The following ACTR3C variants were observed in gnomAD, a reference collection of about 807,000 sequenced individuals.
ACTR3C encodes actin related protein 3C.
Under a neutral mutation model 26.3 loss-of-function variants are expected in ACTR3C, and 18 were observed. The ratio of observed to expected loss-of-function variants is 0.68; its 90% CI spans 0.47 to 1.01. ACTR3C has a LOEUF of 1.01. Ranked by LOEUF, ACTR3C falls within the 50% of genes least tolerant of loss-of-function variation. The pLI is 0.00. For synonymous variants in ACTR3C, 55 were observed against 94.5 expected (o/e 0.58, Z 2.42); for missense variants, 184 against 250.7 (o/e 0.73, Z 1.80).
At chr7:150,072,921 C>T in the ACTR3C span, among the ~76,000 whole-genome samples, 1 of 151,980 alleles carries the variant, frequency 6.6e-6, no homozygotes, top group Non-Finnish European at 1.5e-5. Context: ...CCCAGATGAG[C>T]GAGAACAAGC....
At chr7:150,037,940 C>T in the ACTR3C span, among the ~76,000 whole-genome samples, 3,914 of 132,178 alleles carry the variant, frequency 0.03, 204 homozygotes, top group South Asian at 0.053. Context: ...TCCCCCCCTG[C>T]GATGGCGGTG....
chr7:150,263,953 G>A (rs541331397), intron 6 of ACTR3C, among the ~76,000 whole-genome samples: 1 of 152,226 alleles, frequency 6.6e-6, no homozygotes, highest in Admixed American at 6.5e-5. Flanking sequence ...GCAGGTGGAA[G>A]CTATGACTAT....
At chr7:150,046,352 C>CCA in the ACTR3C span, among the ~76,000 whole-genome samples, 1 of 65,946 alleles carries the variant, frequency 1.5e-5, no homozygotes, top group East Asian at 6.1e-4. Flanking sequence ...TCACCGCCCC[C>CCA]CCCCCCCCGA....
chr7:150,035,580 A>T, the ACTR3C span, among the ~76,000 whole-genome samples: 2,026 of 79,782 alleles, frequency 0.025, 102 homozygotes, highest in East Asian at 0.032. Flanking sequence ...GGGAAGAGGG[A>T]CTGGCTCTCA....
the ACTR3C span, among the ~76,000 whole-genome samples, chr7:150,051,376 CCACA>C: frequency 0.14 from 17,609 of 127,678 alleles, 69 homozygotes; most frequent in African/African-American, 0.21. Flanking sequence ...CTCCCCTTAT[CCACA>C]CACACACACA....
intron 1 of ACTR3C, among the ~76,000 whole-genome samples, chr7:150,297,781 G>A: frequency 6.6e-6 from 1 of 151,440 alleles, no homozygotes; most frequent in East Asian, 1.9e-4. Context: ...GAACGTGGGA[G>A]GCGGAGGTTG....
the ACTR3C span, among the ~76,000 whole-genome samples, chr7:150,113,326 T>A: frequency 6.6e-6 from 1 of 152,080 alleles, no homozygotes; most frequent in Non-Finnish European, 1.5e-5. Flanking sequence ...AAGGCACTCA[T>A]CTGCAGACCA....
chr7:149,932,763 G>A, the ACTR3C span, among the ~76,000 whole-genome samples: 1 of 151,184 alleles, frequency 6.6e-6, no homozygotes, highest in Non-Finnish European at 1.5e-5. Flanking sequence ...ACAGGGCAGG[G>A]CAGGGCAGGG....
the ACTR3C span, among the ~76,000 whole-genome samples, chr7:149,973,631 T>C: frequency 1.3e-5 from 2 of 152,036 alleles, no homozygotes; most frequent in Non-Finnish European, 2.9e-5. Flanking sequence ...TTAATTGATA[T>C]TGGTCAAACA....
chr7:150,142,179 A>C, the ACTR3C span, among the ~76,000 whole-genome samples: 3 of 152,188 alleles, frequency 2.0e-5, no homozygotes, highest in African/African-American at 7.2e-5. Context: ...AGCTGGGGCT[A>C]GGGTGAGGTC....
chr7:150,028,559 C>T, the ACTR3C span, among the ~76,000 whole-genome samples: 6 of 152,418 alleles, frequency 3.9e-5, no homozygotes, highest in South Asian at 2.1e-4. Flanking sequence ...ACCCGCCCGG[C>T]GCCGAGGCTG....
the ACTR3C span, among the ~76,000 whole-genome samples, chr7:150,178,415 T>C: frequency 6.7e-6 from 1 of 149,974 alleles, no homozygotes; most frequent in Non-Finnish European, 1.5e-5. Flanking sequence ...TCCGACTAGC[T>C]GGGATTACAG....
At chr7:150,208,770 C>G in the ACTR3C span, among the ~76,000 whole-genome samples, 1 of 152,004 alleles carries the variant, frequency 6.6e-6, no homozygotes, top group Non-Finnish European at 1.5e-5. Context: ...CAAAAATTAC[C>G]AGGCTTGCAG....
At chr7:150,152,717 C>G in the ACTR3C span, among the ~76,000 whole-genome samples, 1 of 152,118 alleles carries the variant, frequency 6.6e-6, no homozygotes, top group Non-Finnish European at 1.5e-5. Context: ...AGGAATGGTA[C>G]CAGTTCCTCC....
chr7:150,024,739 C>T, the ACTR3C span, among the ~76,000 whole-genome samples: 2 of 143,308 alleles, frequency 1.4e-5, no homozygotes, highest in African/African-American at 5.3e-5. Flanking sequence ...CAGCTACCTG[C>T]TCTCTTCCAG....
At chr7:150,046,092 A>G in the ACTR3C span, among the ~76,000 whole-genome samples, 1 of 152,172 alleles carries the variant, frequency 6.6e-6, no homozygotes, top group African/African-American at 2.4e-5. Flanking sequence ...TTGAATGACT[A>G]TTGAACCAGG....
intron 1 of ACTR3C, among the ~76,000 whole-genome samples, chr7:150,318,630 T>C (rs553736016): frequency 1.3e-5 from 2 of 152,180 alleles, no homozygotes; most frequent in African/African-American, 2.4e-5. Flanking sequence ...GGCGTGGTGG[T>C]GCAGAGCTGT....
At chr7:150,147,011 G>A in the ACTR3C span, among the ~76,000 whole-genome samples, 20 of 152,234 alleles carry the variant, frequency 1.3e-4, no homozygotes, top group Middle Eastern at 3.4e-3. Context: ...GGTGTATCCT[G>A]CATCTGTCTC....
chr7:150,198,941 G>GC, the ACTR3C span, among the ~76,000 whole-genome samples: 6 of 139,858 alleles, frequency 4.3e-5, no homozygotes, highest in African/African-American at 1.4e-4. Flanking sequence ...GGGGGGGTCA[G>GC]CCCCCTGCCC....
Sources: allele counts gnomAD v4.1 joint callset (sites outside exome capture counted in the v4.1 genomes callset), GRCh38; gene constraint gnomAD v4.1.1; transcripts MANE v1.5; gene names NCBI Gene and HGNC (gene_info 2026-07-23, HGNC 2026-07-21).